The following CAPRIN2 variants were observed in gnomAD, a reference collection of about 807,000 sequenced individuals.
CAPRIN2 encodes the protein caprin family member 2.
In CAPRIN2, 66 loss-of-function variants were observed where a neutral mutation model predicts 130.4. That is an observed-to-expected ratio of 0.51 (90% confidence interval 0.42 to 0.62). CAPRIN2 has a LOEUF of 0.62. CAPRIN2 is among the 20% of genes least tolerant of loss of function. The probability of loss-of-function intolerance (pLI) is 0.00; values close to 1 mark genes in which losing one functional copy is unlikely to be tolerated. For synonymous variants in CAPRIN2, 471 were observed against 444.1 expected, an observed-to-expected ratio of 1.06 and a Z score of -0.76; for missense variants, 1,185 against 1,246.6, an observed-to-expected ratio of 0.95 and a Z score of 0.74.
intron 6 of CAPRIN2, among the ~76,000 whole-genome samples, chr12:30,730,938 C>A (rs931719781): frequency 3.9e-5 from 6 of 152,124 alleles, no homozygotes; most frequent in African/African-American, 1.4e-4. Flanking sequence ...GACTTTAGCA[C>A]TTTTTTCCCC....
chr12:30,744,188 A>G (rs958829610), intron 2 of CAPRIN2, among the ~76,000 whole-genome samples: 3 of 152,180 alleles, frequency 2.0e-5, no homozygotes, highest in Admixed American at 1.3e-4. Flanking sequence ...ACTTGATTCA[A>G]GTTCCTCTGC....
At chr12:30,728,835 G>A in exon 8 of CAPRIN2, 2 of 1,614,154 alleles carry the variant, frequency 1.2e-6, no homozygotes, top group Non-Finnish European at 1.7e-6. Context: ...TTCACACATG[G>A]GAGTGGTCCA....
chr12:30,724,774 T>C (rs1193695767), intron 9 of CAPRIN2, among the ~76,000 whole-genome samples: 1 of 152,176 alleles, frequency 6.6e-6, no homozygotes, highest in African/African-American at 2.4e-5. Flanking sequence ...AAGGATCGCT[T>C]GAGCTCAGGA....
intron 3 of CAPRIN2, among the ~76,000 whole-genome samples, chr12:30,736,721 T>C (rs1204741264): frequency 6.6e-6 from 1 of 151,964 alleles, no homozygotes; most frequent in Non-Finnish European, 1.5e-5. Context: ...TCAGTAAGGC[T>C]TTTTGCAAGA....
intron 3 of CAPRIN2, among the ~76,000 whole-genome samples, chr12:30,736,120 A>T (rs536600250): frequency 2.0e-5 from 3 of 151,814 alleles, no homozygotes; most frequent in Admixed American, 2.0e-4. Flanking sequence ...CAGCCTGGGC[A>T]ACAGAGTGAG....
At chr12:30,722,917 C>A (rs2059830881) in intron 11 of CAPRIN2, among the ~76,000 whole-genome samples, 2 of 151,996 alleles carry the variant, frequency 1.3e-5, no homozygotes, top group South Asian at 4.2e-4. Flanking sequence ...AAAACAACAA[C>A]AACAAAAATT....
chr12:30,754,259 CT>C, exon 1 of CAPRIN2: 1 of 154,462 alleles, frequency 6.5e-6, no homozygotes, highest in Admixed American at 6.4e-5. Flanking sequence ...CCCAAAACCG[CT>C]TACACCCAAC....
chr12:30,752,604 T>G (rs1209771498), intron 1 of CAPRIN2, among the ~76,000 whole-genome samples: 1 of 145,538 alleles, frequency 6.9e-6, no homozygotes, highest in Non-Finnish European at 1.5e-5. Context: ...TCAACCAGAC[T>G]CTAAAGAGTC....
chr12:30,746,383 CCT>C (rs1274812399), intron 2 of CAPRIN2, among the ~76,000 whole-genome samples: 2 of 152,078 alleles, frequency 1.3e-5, no homozygotes, highest in East Asian at 3.9e-4. Flanking sequence ...AGAGAGAGAC[CCT>C]GTCTCTTAAA....
Position 30,713,919 on chromosome 12 carries a change from A to G in CAPRIN2, c.2501-34T>C, listed in dbSNP as rs967906533. On this transcript the variant is annotated intron_variant, in intron 14 of 16. Transcript: ENST00000298892. ...TAAACAAACTTACATAAGATTATGG[A>G]CAAAATCATATTAAACTTTTAAACA... 8 of 1,228,626 alleles carry G rather than the reference A, an allele frequency of 6.5e-6. No individual in the cohort carries two copies. In the Admixed American group the frequency reaches 1.0e-4, roughly 16 times the overall value. The allele number at this position is 1,228,626 out of a possible 1,614,324, so 76.1% of individuals were successfully genotyped here.
In CAPRIN2 at chr12:30,742,049, A is replaced by G. The variant is rs917699551; in HGVS notation, c.484-943T>C. 5.9e-5 allele frequency among the ~76,000 whole-genome samples: 9 copies of G among 152,170 alleles called. No individual in the cohort carries two copies. In the East Asian group the frequency reaches 1.7e-3, roughly 29 times the overall value. On this transcript the variant is annotated intron_variant, in intron 2 of 16. Coordinates refer to ENST00000298892, the Ensembl canonical transcript of CAPRIN2. ...TAAAAGAAGCCAGATGCAGAAGACT[A>G]TTTTATGTGAAATGTCCAGAAAAGA... is the stretch of plus-strand genomic sequence containing the variant.
exon 7 of CAPRIN2, chr12:30,730,263 G>A: frequency 6.2e-7 from 1 of 1,611,162 alleles, no homozygotes; most frequent in South Asian, 1.1e-5. Flanking sequence ...TCTCTGGCTG[G>A]GCAAATTCCA....
intron 2 of CAPRIN2, among the ~76,000 whole-genome samples, chr12:30,747,260 G>A (rs1195315886): frequency 1.3e-5 from 2 of 152,240 alleles, no homozygotes; most frequent in East Asian, 3.9e-4. Context: ...AATTGACAAG[G>A]CACCTTGTCA....
In CAPRIN2 at chr12:30,741,034, CA is replaced by C. The variant is rs2067222150; in HGVS notation, c.555del (p.Leu187Ter). On this transcript the variant is annotated frameshift_variant, in exon 3 of 17. Coordinates refer to ENST00000298892, the Ensembl canonical transcript of CAPRIN2. LOFTEE classifies it high-confidence loss of function. ...AACATACTCACATCTAGGCTCAACC[CA>C]GAAAAGGTTTTTTGAAGCTCCTTGG... 1 of 1,607,920 alleles carries C rather than the reference CA, an allele frequency of 6.2e-7. No individual in the cohort carries two copies. Among genetic ancestry groups the C allele is most frequent in the African/African-American group, 1.3e-5 (1 of 74,682 alleles).
At chr12:30,720,910 A>G (rs2059223230) in exon 12 of CAPRIN2, 1 of 1,607,878 alleles carries the variant, frequency 6.2e-7, no homozygotes, top group Non-Finnish European at 8.5e-7. Flanking sequence ...CTGGAGAAGA[A>G]GTAGCCTAGA....
At position 30,753,633 on chromosome 12, in the gene CAPRIN2, A is replaced by C. The variant is rs1446830693; in HGVS notation, c.131T>G (p.Leu44Arg). The C allele has an allele frequency of 3.1e-6, 5 of 1,614,110 alleles. No individual in the cohort carries two copies. In the African/African-American group the frequency reaches 6.7e-5, roughly 22 times the overall value. ...GGCTGAAGGAGGTGGGGGAAAGTTA[A>C]GTATAAAATTAGGACTAGAGGGACA... Residue 44 changes from leucine to arginine, a missense_variant, in exon 1 of 17, where the codon CTT (leucine) becomes CGT (arginine). Coordinates refer to ENST00000298892, the Ensembl canonical transcript of CAPRIN2.
chr12:30,732,239 G>A (rs1395771444), intron 5 of CAPRIN2, among the ~76,000 whole-genome samples: 4 of 151,896 alleles, frequency 2.6e-5, no homozygotes, highest in Non-Finnish European at 5.9e-5. Flanking sequence ...TAAGTCTAAA[G>A]TCATTTTATT....
intron 7 of CAPRIN2, 51 bp downstream of exon 8, chr12:30,730,188 A>C: frequency 6.9e-7 from 1 of 1,452,734 alleles, no homozygotes; most frequent in Non-Finnish European, 9.7e-7. Context: ...CCATAACCCT[A>C]TGCAAAAGGC....
intron 3 of CAPRIN2, among the ~76,000 whole-genome samples, chr12:30,735,473 G>A (rs1164529161): frequency 2.6e-5 from 4 of 152,170 alleles, no homozygotes; most frequent in African/African-American, 9.7e-5. Flanking sequence ...ACCATGATGA[G>A]TAGCGAAGTA....
Sources: allele counts gnomAD v4.1 joint callset (sites outside exome capture counted in the v4.1 genomes callset), GRCh38; gene constraint gnomAD v4.1.1; transcripts MANE v1.5; gene names NCBI Gene and HGNC (gene_info 2026-07-23, HGNC 2026-07-21).